Variants in SSH3 observed in about 807,000 individuals in gnomAD.
The protein encoded by SSH3 is protein phosphatase Slingshot homolog 3.
SSH3 carries 67 observed loss-of-function variants against 75.0 expected under a neutral mutation model. The ratio of observed to expected loss-of-function variants is 0.89; its 90% CI spans 0.73 to 1.10. The LOEUF (loss-of-function observed/expected upper bound fraction) is 1.10. Among genes scored for constraint, SSH3 ranks in the 50% least tolerant of loss-of-function variants. The probability of loss-of-function intolerance (pLI) is 0.00; values close to 1 mark genes in which losing one functional copy is unlikely to be tolerated. For missense variants in SSH3, 824 were observed against 872.7 expected, an observed-to-expected ratio of 0.94 and a Z score of 0.70; for synonymous variants, 318 against 349.2, an observed-to-expected ratio of 0.91 and a Z score of 1.00.
Position 67,307,326 on chromosome 11 carries a change from C to A in SSH3, c.537-45C>A. On this transcript the variant is annotated intron_variant, in intron 5 of 13. Transcript: ENST00000308127. This position sits in a 1 kb window ranked among gnomAD's most constrained non-coding sequence, Gnocchi z 4.2. ...TCCAGCAAAAGGATGGGTTCTCTGT[C>A]GCAGAGCCTGGAGTCTGGCCTCACC... The A allele has an allele frequency of 5.0e-6, 8 of 1,610,944 alleles. No individual in the cohort carries two copies. Among genetic ancestry groups the A allele is most frequent in the Non-Finnish European group, 5.9e-6 (7 of 1,179,162 alleles).
At chr11:67,303,834 A>C (rs1443229403) in intron 1 of SSH3, 143 bp downstream of exon 1, 1 of 890,946 alleles carries the variant, frequency 1.1e-6, no homozygotes, top group Non-Finnish European at 1.6e-6. Context: ...GGGGGCCTCG[A>C]GGGTCTCTGG....
At position 67,308,196 on chromosome 11, in the gene SSH3, G is replaced by T; in HGVS notation, c.908G>T (p.Arg303Leu). ...CAGATCCGCCAGGCTCTGGAGCTGCGCCTGGGGCTCCCCCTCCAGCAGTAC... is the reference window on the plus strand; with the variant it reads ...CAGATCCGCCAGGCTCTGGAGCTGCTCCTGGGGCTCCCCCTCCAGCAGTAC... ...SKEIRQALEL[R>L]LGLPLQQYRD... Residue 303 changes from arginine (R) to leucine (L), a missense_variant, in exon 9 of 14, where the codon CGC becomes CTC. Physicochemically the swap from Arg to Leu is moderately radical, Grantham distance 102 (BLOSUM62 -2). Coordinates refer to ENST00000308127, the MANE Select transcript of SSH3 (RefSeq NM_017857.4). This position sits in a 1 kb window ranked among gnomAD's most constrained non-coding sequence, Gnocchi z 4.9. 6.2e-7 allele frequency: 1 copy of T among 1,613,864 alleles called. No individual in the cohort carries two copies. Among genetic ancestry groups the T allele is most frequent in the Non-Finnish European group, 8.5e-7 (1 of 1,180,016 alleles).
In SSH3 at chr11:67,304,893, C is replaced by T. The variant is rs1861187137; in HGVS notation, c.225C>T (p.His75=). 1 of 1,613,796 alleles carries T rather than the reference C, an allele frequency of 6.2e-7. No homozygotes were observed. Among genetic ancestry groups the T allele is most frequent in the Non-Finnish European group, 8.5e-7 (1 of 1,180,016 alleles). ...TEKAPSEEEL[H]GDQTDFGQGS... is the part of the protein sequence containing the mutation. Reference sequence around the variant, plus strand: ...AGGCCCCGAGTGAGGAGGAGCTCCACGGGGACCAGACAGACTTCGGGCAAG... The same window carrying T: ...AGGCCCCGAGTGAGGAGGAGCTCCATGGGGACCAGACAGACTTCGGGCAAG... The change falls in exon 3 of 14, where the codon CAC becomes CAT. Residue 75 remains histidine, a synonymous_variant. Coordinates refer to ENST00000308127, the MANE Select transcript of SSH3 (RefSeq NM_017857.4).
chr11:67,303,823 T>A, intron 1 of SSH3, 132 bp downstream of exon 1: 1 of 974,654 alleles, frequency 1.0e-6, no homozygotes, highest in Non-Finnish European at 1.4e-6. Context: ...TGGAGGGCGC[T>A]GGGGGCCTCG....
chr11:67,303,586 C>T lies in SSH3; in HGVS notation c.-40C>T. On this transcript the variant is annotated 5_prime_UTR_variant, in exon 1 of 14. Transcript: ENST00000308127. ...CTGTCCGCGGGGTTGAGGGAAGGGGCCGTGCCCGGTGCCAGCCCAGGTGCT... is the reference window on the plus strand; with the variant it reads ...CTGTCCGCGGGGTTGAGGGAAGGGGTCGTGCCCGGTGCCAGCCCAGGTGCT... 6.6e-7 allele frequency: 1 copy of T among 1,513,620 alleles called. No homozygotes were observed. Among genetic ancestry groups the T allele is most frequent in the Non-Finnish European group, 8.8e-7 (1 of 1,136,000 alleles). 93.8% of individuals were successfully genotyped at this position (1,513,620 alleles called of 1,614,324 possible).
rs369805100 is a variant in SSH3, at chr11:67,311,629, G to A, written c.1722G>A (p.Leu574=). Residue 574 remains leucine, a synonymous_variant, in exon 14 of 14, where the codon CTG becomes CTA. Transcript: ENST00000308127. ...SSHESSHEEP[L]QPFPQLARTK... ...ACGAGTCTTCACATGAAGAGCCTCT[G>A]CAGCCCTTCCCACAGCTTGCAAGGA... 1.9e-5 allele frequency: 30 copies of A among 1,614,114 alleles called. No individual in the cohort carries two copies. In the African/African-American group the frequency reaches 3.1e-4, roughly 16 times the overall value.
At chr11:67,310,971 C>T (rs1479659511) in intron 13 of SSH3, among the ~76,000 whole-genome samples, 3 of 152,200 alleles carry the variant, frequency 2.0e-5, no homozygotes, top group African/African-American at 4.8e-5. Flanking sequence ...AAGTCAGCAC[C>T]CTTGATGCTC....
chr11:67,303,796 G>C (rs574786853), intron 1 of SSH3, 105 bp downstream of exon 1: 1 of 1,233,252 alleles, frequency 8.1e-7, no homozygotes, highest in African/African-American at 1.6e-5. Flanking sequence ...ATGAGGAGGG[G>C]GCCCCGGGGC....
In SSH3 at chr11:67,307,983, G is replaced by A; in HGVS notation, c.885+44G>A. ...GACTGAGTCCCCTCTAGCAGGGGCT[G>A]CAAGCTTGCCTTTCCTGGGAGCCCT... On this transcript the variant is annotated intron_variant, in intron 8 of 13. Transcript: ENST00000308127. This position sits in a 1 kb window ranked among gnomAD's most constrained non-coding sequence, Gnocchi z 4.2. The A allele has an allele frequency of 1.9e-6, 3 of 1,611,094 alleles. No homozygotes were observed. The highest frequency in any genetic ancestry group is 2.2e-5 in the South Asian group (2 of 90,876).
At position 67,307,002 on chromosome 11, in the gene SSH3, G is replaced by A; in HGVS notation, c.464+40G>A. The A allele has an allele frequency of 6.2e-7, 1 of 1,613,614 alleles. No individual in the cohort carries two copies. Among genetic ancestry groups the A allele is most frequent in the Non-Finnish European group, 8.5e-7 (1 of 1,179,646 alleles). On this transcript the variant is annotated intron_variant, in intron 4 of 13. Transcript: ENST00000308127. This position sits in a 1 kb window ranked among gnomAD's most constrained non-coding sequence, Gnocchi z 4.2. Reference sequence around the variant, plus strand: ...AGGAAAGGAGGGGCAAAGAGGTGAGGGACAGGGGGGACAATGGCTTTCCCT... The same window carrying A: ...AGGAAAGGAGGGGCAAAGAGGTGAGAGACAGGGGGGACAATGGCTTTCCCT...
rs1390738070 is a variant in SSH3, at chr11:67,309,862, A to C, written c.1303A>C (p.Ser435Arg). 6 of 1,612,932 alleles carry C rather than the reference A, an allele frequency of 3.7e-6. No homozygotes were observed. The highest frequency in any genetic ancestry group is 5.1e-6 in the Non-Finnish European group (6 of 1,180,026). ...LAYAMKQYEC[S>R]LEQALRHVQE... ...CTATGCCATGAAGCAGTACGAATGC[A>C]GCCTGGAGCAGGCCCTGCGCCACGT... Residue 435 changes from serine (S) to arginine (R), a missense_variant, in exon 12 of 14, where the codon AGC becomes CGC. Physicochemically the swap from Ser to Arg is moderately radical, Grantham distance 110. Transcript: ENST00000308127.
At chr11:67,303,972 G>A (rs1375795337) in intron 1 of SSH3, 146 bp from the exon 2 acceptor site, 14 of 1,119,620 alleles carry the variant, frequency 1.3e-5, no homozygotes, top group Non-Finnish European at 1.6e-5. Flanking sequence ...GGCTCCACGG[G>A]GCCTCCCGGT....
intron 1 of SSH3, 107 bp downstream of exon 1, chr11:67,303,798 C>G (rs945264175): frequency 1.6e-6 from 2 of 1,219,512 alleles, no homozygotes; most frequent in Non-Finnish European, 2.2e-6. Context: ...GAGGAGGGGG[C>G]CCCGGGGCTC....
At position 67,307,335 on chromosome 11, in the gene SSH3, T is replaced by TGGAGTCTG. The variant is rs777695821; in HGVS notation, c.537-34_537-27dup. On this transcript the variant is annotated intron_variant, in intron 5 of 13. Transcript: ENST00000308127. The surrounding 1 kb of genome is among the most constrained non-coding windows in gnomAD (Gnocchi z 4.2). Reference sequence around the variant, plus strand: ...AGGATGGGTTCTCTGTCGCAGAGCCTGGAGTCTGGCCTCACCTGTGCCTGG... The same window carrying TGGAGTCTG: ...AGGATGGGTTCTCTGTCGCAGAGCCTGGAGTCTGGGAGTCTGGCCTCACCTGTGCCTGG... The TGGAGTCTG allele has an allele frequency of 1.9e-5, 31 of 1,612,514 alleles. 1 individual carries two copies. The South Asian group carries it at 3.3e-4, about 17-fold the overall frequency.
chr11:67,304,113 C>G lies in SSH3; in HGVS notation c.67-5C>G, dbSNP rs4244822. 0.96 allele frequency: 1,524,629 copies of G among 1,591,592 alleles called. 731,126 individuals are homozygous for G. Among genetic ancestry groups the G allele is most frequent in the South Asian group, 0.97 (85,754 of 88,280 alleles). ...CACCCTGCCCTGGGGCTGCTCTCTC[C>G]GCAGGACCAGGCGGTCCAGCGAAGG... On this transcript the variant is annotated splice_polypyrimidine_tract_variant and splice_region_variant and intron_variant, in intron 1 of 13. Transcript: ENST00000308127.
Position 67,308,508 on chromosome 11 carries a change from G to A in SSH3, c.1061+50G>A. On this transcript the variant is annotated intron_variant, in intron 10 of 13. Transcript: ENST00000308127. This position sits in a 1 kb window ranked among gnomAD's most constrained non-coding sequence, Gnocchi z 4.9. ...ACCCACCCCATCTTCCCTTCTCCTGGCCTCCCCGCATTGGGTGGTAGCCAG... is the reference window on the plus strand; with the variant it reads ...ACCCACCCCATCTTCCCTTCTCCTGACCTCCCCGCATTGGGTGGTAGCCAG... The A allele has an allele frequency of 2.6e-6, 4 of 1,549,920 alleles. No individual in the cohort carries two copies. Among genetic ancestry groups the A allele is most frequent in the Non-Finnish European group, 3.5e-6 (4 of 1,146,962 alleles).
At chr11:67,306,986 G>A in intron 4 of SSH3, 24 bp downstream of exon 4, 1 of 1,612,526 alleles carries the variant, frequency 6.2e-7, no homozygotes, top group African/African-American at 1.3e-5. Flanking sequence ...GAGGAAAGGA[G>A]GGGCAAAGAG....
At position 67,304,883 on chromosome 11, in the gene SSH3, AG is replaced by A; in HGVS notation, c.217del (p.Glu73SerfsTer33). On this transcript the variant is annotated frameshift_variant, in exon 3 of 14. Transcript: ENST00000308127. LOFTEE classifies it high-confidence loss of function. ...SEPTEKAPSE[E>X]ELHGDQTDFG... ...CCAACAGAGAAGGCCCCGAGTGAGGAGGAGCTCCACGGGGACCAGACAGACT... is the reference window on the plus strand; with the variant it reads ...CCAACAGAGAAGGCCCCGAGTGAGGAGAGCTCCACGGGGACCAGACAGACT... 6.2e-7 allele frequency: 1 copy of A among 1,613,826 alleles called. No homozygotes were observed. Among genetic ancestry groups the A allele is most frequent in the Non-Finnish European group, 8.5e-7 (1 of 1,180,010 alleles).
rs1007271489 is a variant in SSH3 at position 67,308,221 on chromosome 11, C to T, written c.933C>T (p.Tyr311=). 2 of 1,614,118 alleles carry T rather than the reference C, an allele frequency of 1.2e-6. No homozygotes were observed. Among genetic ancestry groups the T allele is most frequent in the Non-Finnish European group, 1.7e-6 (2 of 1,180,038 alleles). ...GCCTGGGGCTCCCCCTCCAGCAGTA[C>T]CGTGACTTCATCGACAACCAGATGC... ...ELRLGLPLQQ[Y]RDFIDNQMLL... is the part of the protein sequence containing the mutation. Residue 311 remains tyrosine, a synonymous_variant, in exon 9 of 14, where the codon TAC becomes TAT. Coordinates refer to ENST00000308127, the MANE Select transcript of SSH3 (RefSeq NM_017857.4). This position sits in a 1 kb window ranked among gnomAD's most constrained non-coding sequence, Gnocchi z 4.9.
Sources: gnomAD v4.1 joint callset for allele counts (sites outside exome capture counted in the v4.1 genomes callset) on GRCh38, gnomAD v4.1.1 for gene constraint, Gnocchi (gnomAD v3.1) non-coding constraint, MANE v1.5 for transcripts, NCBI Gene and HGNC (gene_info 2026-07-23, HGNC 2026-07-21) for gene names.